Variants in DENND1B observed in about 807,000 individuals in gnomAD.
DENND1B encodes the protein DENN domain-containing protein 1B.
DENND1B carries 59 observed loss-of-function variants against 90.1 expected under a neutral mutation model. That is an observed-to-expected ratio of 0.65 (90% CI 0.53 to 0.81). The LOEUF (loss-of-function observed/expected upper bound fraction) is 0.81, where lower values mean the gene tolerates loss of function less well. DENND1B is among the 40% of genes least tolerant of loss of function. The probability of loss-of-function intolerance (pLI) is 0.00; values close to 1 mark genes in which losing one functional copy is unlikely to be tolerated. For missense variants in DENND1B, 862 were observed against 912.6 expected, an observed-to-expected ratio of 0.94 and a Z score of 0.71; for synonymous variants, 337 against 324.6, an observed-to-expected ratio of 1.04 and a Z score of -0.41.
intron 21 of DENND1B, 31 bp downstream of exon 21, chr1:197,512,840 A>G: frequency 6.2e-7 from 1 of 1,600,798 alleles, no homozygotes; most frequent in African/African-American, 1.3e-5. Flanking sequence ...AAGCCATTCC[A>G]CTTAATAGGA....
intron 2 of DENND1B, among the ~76,000 whole-genome samples, chr1:197,760,356 C>G (rs549168856): frequency 6.6e-6 from 1 of 152,078 alleles, no homozygotes; most frequent in African/African-American, 2.4e-5. Context: ...AGAAATGAAT[C>G]AAAAAATTAC....
chr1:197,569,257 T>A (rs1468297199), intron 15 of DENND1B, among the ~76,000 whole-genome samples: 2 of 152,088 alleles, frequency 1.3e-5, no homozygotes, highest in Non-Finnish European at 2.9e-5. Context: ...ATTTTTATTA[T>A]CAAAAAGACA....
intron 2 of DENND1B, chr1:197,734,662 C>A: frequency 1.0e-6 from 1 of 984,470 alleles, no homozygotes; most frequent in Non-Finnish European, 1.2e-6. Context: ...CAAAACCCTA[C>A]AAACAGACAG....
At position 197,505,352 on chromosome 1, in the gene DENND1B, T is replaced by G. The variant is rs1667680510; in HGVS notation, c.*5108A>C. ...TCATATAATCAACCAAAGTGTAGAT[T>G]TGATAATGGACCTCAACAAGGCTCA... On this transcript the variant is annotated 3_prime_UTR_variant, in exon 23 of 23. Transcript: ENST00000620048. 2 of 151,282 alleles carry G rather than the reference T, an allele frequency of 1.3e-5. No homozygotes were observed. The highest frequency in any genetic ancestry group is 3.9e-4 in the East Asian group (2 of 5,118). The allele number at this position is 151,282 out of a possible 1,614,324, so 9.4% of individuals were successfully genotyped here.
At position 197,510,577 on chromosome 1, in the gene DENND1B, T is replaced by C; in HGVS notation, c.2211A>G (p.Lys737=). Residue 737 remains lysine (K), a synonymous_variant, in exon 23 of 23, where the codon AAA becomes AAG. Transcript: ENST00000620048. ...VPWEKEGKEA[K]ETSEDIGLLH... is the part of the protein sequence containing the mutation. ...GCAGTCCAATATCTTCTGAAGTCTC[T>C]TTGGCTTCTTTCCCTTCTTTCTCCC... The C allele has an allele frequency of 6.2e-7, 1 of 1,612,752 alleles. No homozygotes were observed. Among genetic ancestry groups the C allele is most frequent in the Non-Finnish European group, 8.5e-7 (1 of 1,179,200 alleles).
intron 14 of DENND1B, among the ~76,000 whole-genome samples, chr1:197,593,667 A>G (rs1278051148): frequency 6.6e-6 from 1 of 152,088 alleles, no homozygotes; most frequent in Non-Finnish European, 1.5e-5. Context: ...AGCACCCAAC[A>G]AACTGATAGT....
At chr1:197,774,819 C>G (rs1454768525) in intron 1 of DENND1B, among the ~76,000 whole-genome samples, 1 of 152,234 alleles carries the variant, frequency 6.6e-6, no homozygotes. Flanking sequence ...AGCACGAGAA[C>G]CCCTCAGCGG....
At chr1:197,699,283 C>A (rs1658774206) in intron 3 of DENND1B, among the ~76,000 whole-genome samples, 1 of 152,178 alleles carries the variant, frequency 6.6e-6, no homozygotes, top group South Asian at 2.1e-4. Flanking sequence ...TGTAATCCAT[C>A]ACATAAATGG....
chr1:197,624,221 C>A (rs1335550023), intron 10 of DENND1B, among the ~76,000 whole-genome samples: 1 of 151,562 alleles, frequency 6.6e-6, no homozygotes, highest in African/African-American at 2.4e-5. Context: ...AAAGAACATA[C>A]AATTAGATCA....
At chr1:197,607,051 A>G (rs1271679360) in intron 13 of DENND1B, 22 bp downstream of exon 13, 2 of 1,544,184 alleles carry the variant, frequency 1.3e-6, no homozygotes, top group Non-Finnish European at 8.9e-7. Flanking sequence ...TATGTTCACC[A>G]CTGAATAGCC....
intron 15 of DENND1B, among the ~76,000 whole-genome samples, chr1:197,572,798 A>G (rs1177509904): frequency 6.6e-6 from 1 of 152,178 alleles, no homozygotes; most frequent in African/African-American, 2.4e-5. Context: ...GACCTCCAGC[A>G]AACTCCAACC....
chr1:197,728,832 T>C (rs969984836), intron 2 of DENND1B, among the ~76,000 whole-genome samples: 8 of 152,284 alleles, frequency 5.3e-5, no homozygotes, highest in African/African-American at 1.4e-4. Flanking sequence ...ATGCCTCATA[T>C]AGAACTTTAA....
At chr1:197,716,535 AAT>A (rs1571476809) in intron 2 of DENND1B, among the ~76,000 whole-genome samples, 1 of 151,994 alleles carries the variant, frequency 6.6e-6, no homozygotes, top group East Asian at 1.9e-4. Context: ...AATTAAAAAA[AAT>A]AGACATATAT....
the DENND1B span, among the ~76,000 whole-genome samples, chr1:197,781,875 T>C: frequency 2.0e-5 from 3 of 152,224 alleles, no homozygotes; most frequent in Non-Finnish European, 2.9e-5. Flanking sequence ...TATCTTGCTG[T>C]TAAACTTTTA....
At chr1:197,540,494 A>G (rs17621768) in intron 19 of DENND1B, among the ~76,000 whole-genome samples, 36,719 of 151,984 alleles carry the variant, frequency 0.24, 5,578 homozygotes, top group Non-Finnish European at 0.33. Context: ...ATATTTACAT[A>G]TCTGCAATAT....
At chr1:197,766,967 T>A (rs6664300) in intron 2 of DENND1B, among the ~76,000 whole-genome samples, 1 of 151,928 alleles carries the variant, frequency 6.6e-6, no homozygotes, top group East Asian at 1.9e-4. Flanking sequence ...CTAAATTTTG[T>A]ATTTTTAGTA....
intron 2 of DENND1B, among the ~76,000 whole-genome samples, chr1:197,759,781 G>C (rs1331095858): frequency 7.2e-6 from 1 of 138,548 alleles, no homozygotes; most frequent in Non-Finnish European, 1.6e-5. Context: ...GCGGGAGGAA[G>C]ATACCTCTTA....
chr1:197,664,584 T>A (rs942937672), intron 5 of DENND1B, among the ~76,000 whole-genome samples: 2 of 152,054 alleles, frequency 1.3e-5, no homozygotes, highest in Non-Finnish European at 2.9e-5. Context: ...AACTTTTACA[T>A]TCAAAAGTCA....
chr1:197,625,458 A>G (rs1364192907), intron 10 of DENND1B, among the ~76,000 whole-genome samples: 1 of 152,134 alleles, frequency 6.6e-6, no homozygotes, highest in African/African-American at 2.4e-5. Flanking sequence ...ACAGACAAGC[A>G]AATGCTGAGA....
Sources: allele counts gnomAD v4.1 joint callset (sites outside exome capture counted in the v4.1 genomes callset), GRCh38; gene constraint gnomAD v4.1.1; transcripts MANE v1.5; gene names NCBI Gene and HGNC (gene_info 2026-07-23, HGNC 2026-07-21).